MCM8: variants seen among roughly 807,000 people sequenced by gnomAD.
The protein encoded by MCM8 is DNA helicase MCM8.
In MCM8, 85 loss-of-function variants were observed where a neutral mutation model predicts 98.9. The observed-to-expected ratio is 0.86, with a 90% CI of 0.72 to 1.03. The LOEUF is 1.03. MCM8 is among the 50% of genes least tolerant of loss of function. MCM8 has a pLI of 0.00. For synonymous variants in MCM8, 352 were observed against 338.6 expected (o/e 1.04, Z -0.44); for missense variants, 951 against 997.8 (o/e 0.95, Z 0.63).
At chr20:5,985,058 G>A (rs1181060523) in intron 15 of MCM8, 58 bp downstream of exon 15, 3 of 1,426,188 alleles carry the variant, frequency 2.1e-6, no homozygotes, top group Non-Finnish European at 2.9e-6. Context: ...AAAGTTCAGT[G>A]TGTGGCTTAT....
chr20:5,983,092 A>T lies in MCM8; in HGVS notation c.1660A>T (p.Thr554Ser), dbSNP rs1487501481. The change falls in exon 14 of 19, where the codon ACT (threonine) becomes TCT (serine). Residue 554 changes from threonine to serine, a missense_variant. By Grantham distance (58) the Thr-to-Ser change is moderately conservative. Coordinates refer to ENST00000610722, the MANE Select transcript of MCM8 (RefSeq NM_032485.6). The stretch of plus-strand genomic sequence containing the variant: ...TGTGGTTTGTAGCCTTCCTGCAAGA[A>T]CTTCCATTATTGCTGCTGCAAATCC... ...AGVVCSLPAR[T>S]SIIAAANPVG... 6.2e-7 allele frequency: 1 copy of T among 1,614,064 alleles called. No homozygotes were observed. The highest frequency in any genetic ancestry group is 8.5e-7 in the Non-Finnish European group (1 of 1,180,026).
chr20:5,955,077 GT>G, intron 4 of MCM8, 24 bp from the exon 5 acceptor site: 1 of 1,519,802 alleles, frequency 6.6e-7, no homozygotes, highest in Non-Finnish European at 9.1e-7. Flanking sequence ...AGCAATTATT[GT>G]TTTCATACTT....
In MCM8 at chr20:5,975,641, C is replaced by T. The variant is rs551929480; in HGVS notation, c.1396-2235C>T. Among the ~76,000 whole-genome samples, 27 of 151,858 alleles carry T rather than the reference C, an allele frequency of 1.8e-4. No homozygotes were observed. The South Asian group carries it at 1.9e-3, about 11-fold the overall frequency. On this transcript the variant is annotated intron_variant, in intron 12 of 18. Transcript: ENST00000610722. ...CGTCCCAAGTAGCTGGGACTACAGG[C>T]GCCCACCACCACGCCCGGCTAATTT... is the stretch of plus-strand genomic sequence containing the variant.
Position 5,997,037 on chromosome 20 carries a change from C to G in MCM8, c.*2646C>G, listed in dbSNP as rs956062166. 6.6e-6 allele frequency: 1 copy of G among 152,344 alleles called. No individual in the cohort carries two copies. Among genetic ancestry groups the G allele is most frequent in the African/African-American group, 2.4e-5 (1 of 41,454 alleles). The allele number at this position is 152,344 out of a possible 1,614,324, so 9.4% of individuals were successfully genotyped here. ...GTGGCCTGGTGTGGCATGGCACGCCCTCTTGGGAGATGAAAGTAATCTTCC... is the reference window on the plus strand; with the variant it reads ...GTGGCCTGGTGTGGCATGGCACGCCGTCTTGGGAGATGAAAGTAATCTTCC... On this transcript the variant is annotated 3_prime_UTR_variant, in exon 19 of 19. Transcript: ENST00000610722.
intron 7 of MCM8, among the ~76,000 whole-genome samples, chr20:5,958,992 G>GT (rs11483684): frequency 0.22 from 33,387 of 151,934 alleles, 5,145 homozygotes; most frequent in African/African-American, 0.44. Flanking sequence ...ATTAGTGTCT[G>GT]TTTTTTACCT....
chr20:5,975,301 GA>G (rs2122758303), intron 12 of MCM8, among the ~76,000 whole-genome samples: 1 of 151,874 alleles, frequency 6.6e-6, no homozygotes, highest in Non-Finnish European at 1.5e-5. Context: ...GAATATGTAG[GA>G]AAAGATGCAA....
chr20:5,984,717 G>C (rs1253146658), intron 14 of MCM8, 64 bp from the exon 15 acceptor site: 1 of 1,336,170 alleles, frequency 7.5e-7, no homozygotes, highest in African/African-American at 1.5e-5. Flanking sequence ...TAAGTGAGTA[G>C]ACAGTTTTCT....
intron 7 of MCM8, among the ~76,000 whole-genome samples, chr20:5,959,112 A>G (rs1308417329): frequency 6.6e-6 from 1 of 151,826 alleles, no homozygotes. Context: ...TTTCCCCTTT[A>G]TTTCTTCTAC....
At chr20:5,966,696 T>G (rs887168317) in intron 8 of MCM8, among the ~76,000 whole-genome samples, 36 of 152,270 alleles carry the variant, frequency 2.4e-4, no homozygotes, top group Admixed American at 7.8e-4. Context: ...AATACAAAGA[T>G]AGGGGTTTGG....
At chr20:5,976,335 T>A (rs1279682826) in intron 12 of MCM8, among the ~76,000 whole-genome samples, 1 of 152,202 alleles carries the variant, frequency 6.6e-6, no homozygotes. Flanking sequence ...GAGGTTGTTG[T>A]AACCATGCGA....
rs115844650 is a variant in MCM8 at position 5,977,506 on chromosome 20, C to T, written c.1396-370C>T. On this transcript the variant is annotated intron_variant, in intron 12 of 18. Transcript: ENST00000610722. ...CTTTATTACCTGATGTTTAAAGAAG[C>T]ATTGGAACCTTCAAAATTAAAATTG... Among the ~76,000 whole-genome samples, 448 of 152,330 alleles carry T rather than the reference C, an allele frequency of 2.9e-3. 7 individuals carry two copies. Among genetic ancestry groups the T allele is most frequent in the African/African-American group, 0.011 (437 of 41,576 alleles).
rs1292024354 is a variant in MCM8 at position 5,987,349 on chromosome 20, T to C, written c.2231T>C (p.Met744Thr). Residue 744 changes from methionine to threonine, a missense_variant, in exon 17 of 19, where the codon ATG (methionine) becomes ACG (threonine). Met to Thr is a moderately conservative substitution (Grantham distance 81). Coordinates refer to ENST00000610722, the MANE Select transcript of MCM8 (RefSeq NM_032485.6). ...GACGCTGAGGATATAGTGGAAATTA[T>C]GAAATATAGGTAAGATAAAAATTTC... ...KEDAEDIVEIMKYSMLGTYSD... is the reference protein window; with the variant it reads ...KEDAEDIVEITKYSMLGTYSD... The C allele has an allele frequency of 3.1e-6, 5 of 1,611,320 alleles. No homozygotes were observed. The highest frequency in any genetic ancestry group is 1.3e-5 in the African/African-American group (1 of 74,800).
chr20:5,975,438 G>A (rs889719708), intron 12 of MCM8, among the ~76,000 whole-genome samples: 3 of 151,038 alleles, frequency 2.0e-5, no homozygotes, highest in Admixed American at 1.3e-4. Context: ...TGTCTTATCT[G>A]TACAAATCTC....
Position 5,955,249 on chromosome 20 carries a change from C to G in MCM8, c.484C>G (p.Gln162Glu), listed in dbSNP as rs2046011285. Residue 162 changes from glutamine to glutamate, a missense_variant and splice_region_variant, in exon 5 of 19, where the codon CAG becomes GAG. Physicochemically the swap from Gln to Glu is conservative, Grantham distance 29 (BLOSUM62 2). Coordinates refer to ENST00000610722, the MANE Select transcript of MCM8 (RefSeq NM_032485.6). ...TLACMGLAIHQVLTKDLERHA... is the reference protein window; with the variant it reads ...TLACMGLAIHEVLTKDLERHA... ...GGCTTGCATGGGTTTGGCAATACAT[C>G]AGGTAACTATTTGTCTTATGCATAC... 3.1e-6 allele frequency: 5 copies of G among 1,611,506 alleles called. No individual in the cohort carries two copies. The highest frequency in any genetic ancestry group is 2.2e-5 in the South Asian group (2 of 90,228).
chr20:5,952,173 G>C lies in MCM8; in HGVS notation c.148+10G>C, dbSNP rs755811572. ...GGAAAACGTACTTCTGGTAGGTGAG[G>C]TCAATGATTGTTCAATTTTTTTCAC... On this transcript the variant is annotated intron_variant, in intron 2 of 18. Transcript: ENST00000610722. 6.2e-7 allele frequency: 1 copy of C among 1,611,002 alleles called. No homozygotes were observed. Among genetic ancestry groups the C allele is most frequent in the South Asian group, 1.1e-5 (1 of 90,616 alleles).
intron 8 of MCM8, chr20:5,964,798 C>T (rs568312341): frequency 2.0e-4 from 30 of 152,122 alleles, no homozygotes; most frequent in African/African-American, 7.2e-4. Context: ...TGAATGTATT[C>T]CAAAGTTATT....
At chr20:5,984,058 A>G (rs1341951234) in intron 14 of MCM8, among the ~76,000 whole-genome samples, 1 of 152,220 alleles carries the variant, frequency 6.6e-6, no homozygotes, top group African/African-American at 2.4e-5. Context: ...GCTTTTTTCA[A>G]AAACAATGTT....
intron 3 of MCM8, among the ~76,000 whole-genome samples, 155 bp downstream of exon 3, chr20:5,952,683 G>A (rs1308558770): frequency 1.3e-5 from 2 of 152,054 alleles, no homozygotes; most frequent in Non-Finnish European, 2.9e-5. Context: ...TGTTTCAAAA[G>A]CATTTTAGAC....
chr20:5,952,473 G>C lies in MCM8; in HGVS notation c.198G>C (p.Gln66His), dbSNP rs151282193. 2 of 1,613,892 alleles carry C rather than the reference G, an allele frequency of 1.2e-6. No individual in the cohort carries two copies. The highest frequency in any genetic ancestry group is 1.3e-5 in the African/African-American group (1 of 74,892). ...LLSTKTPQSM[Q>H]STLDRFIPYK... ...CAACAAAGACCCCACAGTCAATGCAGTCAACATTGGATCGATTCATACCAT... is the reference window on the plus strand; with the variant it reads ...CAACAAAGACCCCACAGTCAATGCACTCAACATTGGATCGATTCATACCAT... Residue 66 changes from glutamine to histidine, a missense_variant, in exon 3 of 19, where the codon CAG becomes CAC. Physicochemically the swap from Gln to His is conservative, Grantham distance 24 (BLOSUM62 0). Coordinates refer to ENST00000610722, the MANE Select transcript of MCM8 (RefSeq NM_032485.6).
Sources: gnomAD v4.1 joint callset for allele counts (sites outside exome capture counted in the v4.1 genomes callset) on GRCh38, gnomAD v4.1.1 for gene constraint, MANE v1.5 for transcripts, NCBI Gene and HGNC (gene_info 2026-07-23, HGNC 2026-07-21) for gene names.